Variants in LRCH2 observed in about 807,000 individuals in gnomAD.
LRCH2 encodes leucine rich repeats and calponin homology domain containing 2.
LRCH2 carries 38 observed loss-of-function variants against 68.9 expected under a neutral mutation model. That is an observed-to-expected ratio of 0.55 (90% CI 0.43 to 0.72). LRCH2 has a LOEUF of 0.72. LRCH2 is among the 30% of genes least tolerant of loss of function. LRCH2 has a pLI of 0.00. For missense variants in LRCH2, 528 were observed against 572.9 expected (o/e 0.92, Z 0.80); for synonymous variants, 191 against 208.1 (o/e 0.92, Z 0.71).
intron 1 of LRCH2, chrX:115,189,435 G>C (rs1556556012): frequency 1.7e-6 from 2 of 1,163,898 alleles, no homozygotes; most frequent in Admixed American, 2.6e-5. Context: ...CCATTCGGCA[G>C]GGAGACATGA....
At chrX:115,140,799 G>A (rs2072330737) in intron 14 of LRCH2, among the ~76,000 whole-genome samples, 1 of 111,170 alleles carries the variant, frequency 9.0e-6, no homozygotes, top group African/African-American at 3.3e-5. Flanking sequence ...TTGTATTGTG[G>A]TGTGAGTGCC....
intron 1 of LRCH2, among the ~76,000 whole-genome samples, chrX:115,201,679 A>G (rs2072930945): frequency 8.9e-6 from 1 of 112,012 alleles, no homozygotes; most frequent in Admixed American, 9.5e-5. Flanking sequence ...ATCGGGCAAG[A>G]GAAAGAAATA....
intron 1 of LRCH2, among the ~76,000 whole-genome samples, chrX:115,200,978 A>C (rs2072926160): frequency 8.9e-6 from 1 of 111,870 alleles, no homozygotes; most frequent in African/African-American, 3.2e-5. Flanking sequence ...CATGCTGCTG[A>C]TAAAGACATA....
intron 1 of LRCH2, 78 bp from the exon 2 acceptor site, chrX:115,188,448 T>C: frequency 1.4e-6 from 1 of 689,903 alleles, no homozygotes; most frequent in Non-Finnish European, 2.0e-6. Flanking sequence ...ACTTGCTGAA[T>C]CACTTAGAAT....
intron 14 of LRCH2, among the ~76,000 whole-genome samples, chrX:115,131,257 C>A (rs782703363): frequency 2.1e-4 from 12 of 56,179 alleles, no homozygotes; most frequent in South Asian, 1.8e-3. Context: ...CCCTCCCCCC[C>A]CCTCCACACC....
rs1556551762 is a variant in LRCH2, at chrX:115,179,406, TATA to T, written c.864+18_864+20del. 9.5e-7 allele frequency: 1 copy of T among 1,051,353 alleles called. No homozygotes were observed. The highest frequency in any genetic ancestry group is 1.9e-5 in the African/African-American group (1 of 51,810). The allele number at this position is 1,051,353 out of a possible 1,213,427, so 86.6% of individuals were successfully genotyped here. A position where few individuals can be genotyped will look rare whatever the true frequency, so the allele number is the denominator to read the frequency against. Reference sequence around the variant, plus strand: ...TATGAATAAAAATGAGAAGAAACATTATAATATTTTTATTACAAACCTGTGCTG... The same window carrying T: ...TATGAATAAAAATGAGAAGAAACATTATATTTTTATTACAAACCTGTGCTG... On this transcript the variant is annotated intron_variant, in intron 5 of 20. Coordinates refer to ENST00000317135, the MANE Select transcript of LRCH2 (RefSeq NM_020871.4).
At chrX:115,170,192 T>C (rs2072594018) in intron 6 of LRCH2, 107 bp downstream of exon 6, 1 of 766,662 alleles carries the variant, frequency 1.3e-6, no homozygotes, top group Non-Finnish European at 1.7e-6. Context: ...ATTTTAGTGC[T>C]GGACCAATCA....
intron 20 of LRCH2, among the ~76,000 whole-genome samples, chrX:115,115,268 C>A (rs1382141684): frequency 9.1e-6 from 1 of 110,455 alleles, no homozygotes; most frequent in Non-Finnish European, 1.9e-5. Flanking sequence ...TGATACAGAA[C>A]AAATGTGGAA....
At position 115,165,895 on chromosome X, in the gene LRCH2, G is replaced by T. The variant is rs1556544684; in HGVS notation, c.1144C>A (p.Gln382Lys). Residue 382 changes from glutamine (Q) to lysine (K), a missense_variant, in exon 8 of 21, where the codon CAG (glutamine) becomes AAG (lysine). Transcript: ENST00000317135. Reference protein sequence around the residue: ...HSQVSESNREQTSRNDSHIIG... With the variant: ...HSQVSESNREKTSRNDSHIIG... The stretch of plus-strand genomic sequence containing the variant: ...ATGTGACTGTCATTTCTTGATGTCT[G>T]CTCTCTATTTGATTCTGAGACTTGA... 8.6e-7 allele frequency: 1 copy of T among 1,167,432 alleles called. No homozygotes were observed. Among genetic ancestry groups the T allele is most frequent in the South Asian group, 1.9e-5 (1 of 52,416 alleles).
chrX:115,190,303 G>C (rs185599561), intron 1 of LRCH2: 3 of 1,152,021 alleles, frequency 2.6e-6, no homozygotes, highest in Admixed American at 2.7e-5. Context: ...CAGGGGTCGC[G>C]ACCATGAGTA....
At chrX:115,119,659 G>GA (rs2072118320) in intron 20 of LRCH2, among the ~76,000 whole-genome samples, 1 of 74,378 alleles carries the variant, frequency 1.3e-5, no homozygotes, top group Non-Finnish European at 2.5e-5. Context: ...CACAGAATTG[G>GA]AAAAAACTAC....
At chrX:115,137,873 C>T (rs782405474) in intron 14 of LRCH2, among the ~76,000 whole-genome samples, 7 of 110,608 alleles carry the variant, frequency 6.3e-5, no homozygotes, top group Non-Finnish European at 1.1e-4. Flanking sequence ...CACTTGAACC[C>T]GGCAGGCAGA....
At chrX:115,155,856 T>G (rs182245441) in intron 12 of LRCH2, among the ~76,000 whole-genome samples, 20 of 111,700 alleles carry the variant, frequency 1.8e-4, no homozygotes, top group African/African-American at 6.5e-4. Flanking sequence ...AAGATGAAGC[T>G]CTCAGGGTAA....
chrX:115,168,176 T>C (rs2072578687), intron 6 of LRCH2, among the ~76,000 whole-genome samples: 1 of 112,067 alleles, frequency 8.9e-6, no homozygotes, highest in Admixed American at 9.5e-5. Context: ...CCTATCTATG[T>C]ATAATAAAGA....
At position 115,197,847 on chromosome X, in the gene LRCH2, T is replaced by TCTCTCTCTCTCTCTCTCACACA. The variant is rs782358260; in HGVS notation, c.350-9478_350-9477insTGTGTGAGAGAGAGAGAGAGAG. On this transcript the variant is annotated intron_variant, in intron 1 of 20. Coordinates refer to ENST00000317135, the MANE Select transcript of LRCH2 (RefSeq NM_020871.4). ...CTCTCTCTCTCTCTCTCTCTCTCTCTCACACACACACACACACACACACAC... is the reference window on the plus strand; with the variant it reads ...CTCTCTCTCTCTCTCTCTCTCTCTCTCTCTCTCTCTCTCTCTCACACACACACACACACACACACACACACAC... 1.8e-3 allele frequency among the ~76,000 whole-genome samples: 38 copies of TCTCTCTCTCTCTCTCTCACACA among 20,563 alleles called. 1 individual carries two copies. The highest frequency in any genetic ancestry group is 0.034 in the Middle Eastern group (1 of 29). 17.9% of individuals were successfully genotyped at this position (20,563 alleles called of 115,157 possible).
rs202128374 is a variant in LRCH2 at position 115,191,065 on chromosome X, G to A, written c.350-2695C>T. On this transcript the variant is annotated intron_variant, in intron 1 of 20. Coordinates refer to ENST00000317135, the MANE Select transcript of LRCH2 (RefSeq NM_020871.4). The stretch of plus-strand genomic sequence containing the variant: ...CCACAGCAGTTCCAGCAACAGTTAC[G>A]GCCAGAGCCACCGCTATGGAGGAGA... 1.3e-4 allele frequency: 150 copies of A among 1,159,341 alleles called. No individual in the cohort carries two copies. In the African/African-American group the frequency reaches 2.5e-3, roughly 19 times the overall value.
chrX:115,144,000 C>G (rs1401703106), intron 14 of LRCH2, among the ~76,000 whole-genome samples: 1 of 111,913 alleles, frequency 8.9e-6, no homozygotes, highest in African/African-American at 3.2e-5. Flanking sequence ...TGAATTGTAA[C>G]TCACACGATT....
intron 20 of LRCH2, among the ~76,000 whole-genome samples, chrX:115,118,823 A>C (rs1344332228): frequency 9.1e-6 from 1 of 110,382 alleles, no homozygotes; most frequent in Non-Finnish European, 1.9e-5. Context: ...ATCCACCATG[A>C]TCAAGTGGGC....
intron 1 of LRCH2, among the ~76,000 whole-genome samples, chrX:115,201,607 GACAAA>G (rs1556566230): frequency 9.0e-6 from 1 of 111,459 alleles, no homozygotes; most frequent in African/African-American, 3.3e-5. Context: ...TCTAAAACAA[GACAAA>G]GATGCTCACT....
Sources: allele counts gnomAD v4.1 joint callset (sites outside exome capture counted in the v4.1 genomes callset), GRCh38; gene constraint gnomAD v4.1.1; transcripts MANE v1.5; gene names NCBI Gene and HGNC (gene_info 2026-07-23, HGNC 2026-07-21).